SHISAL2A: variants seen among roughly 807,000 people sequenced by gnomAD.
SHISAL2A encodes the protein protein shisa-like-2A.
Under a neutral mutation model 11.5 loss-of-function variants are expected in SHISAL2A, and 18 were observed. The observed-to-expected ratio is 1.57, with a 90% CI of 1.08 to 2.33. The LOEUF is 2.33. Ranked by LOEUF, SHISAL2A falls within the 30% of genes most tolerant of loss-of-function variation. The pLI is 0.00. For synonymous variants in SHISAL2A, 94 were observed against 99.6 expected (o/e 0.94, Z 0.34); for missense variants, 261 against 250.9 (o/e 1.04, Z -0.27).
Position 52,633,275 on chromosome 1 carries a change from G to A in SHISAL2A, c.-219G>A. 2.7e-6 allele frequency: 1 copy of A among 377,310 alleles called. No individual in the cohort carries two copies. Among genetic ancestry groups the A allele is most frequent in the Non-Finnish European group, 4.6e-6 (1 of 215,160 alleles). The allele number at this position is 377,310 out of a possible 1,614,324, so 23.4% of individuals were successfully genotyped here. A position where few individuals can be genotyped will look rare whatever the true frequency, so the allele number is the denominator to read the frequency against. On this transcript the variant is annotated 5_prime_UTR_variant, in exon 1 of 3. Transcript: ENST00000517870. This position sits in a 1 kb window ranked among gnomAD's most constrained non-coding sequence, Gnocchi z 6.4. ...GCCGCCGGCCCCCGCCGCCCGCCCCGCCTGCCCCTACCCCTCCGCGCGGGC... is the reference window on the plus strand; with the variant it reads ...GCCGCCGGCCCCCGCCGCCCGCCCCACCTGCCCCTACCCCTCCGCGCGGGC...
At chr1:52,634,172 T>G (rs543596783) in intron 1 of SHISAL2A, among the ~76,000 whole-genome samples, 2 of 152,294 alleles carry the variant, frequency 1.3e-5, no homozygotes, top group African/African-American at 4.8e-5. Context: ...CTGTCCTGCC[T>G]GCAGTCCCAC....
At chr1:52,660,864 C>G (rs1571703026), downstream of SHISAL2A, among the ~76,000 whole-genome samples, 1 of 152,154 alleles carries the variant, frequency 6.6e-6, no homozygotes, top group South Asian at 2.1e-4. Context: ...TCAAGAAGCT[C>G]ATTGCTACAG....
At chr1:52,666,957 T>G (rs1374136173) in intron 4 of SHISAL2A, among the ~76,000 whole-genome samples, 1 of 152,198 alleles carries the variant, frequency 6.6e-6, no homozygotes, top group Admixed American at 6.5e-5. Context: ...AAGTAATCTC[T>G]GTCCTTGCCC....
At chr1:52,642,803 A>G in intron 1 of SHISAL2A, 60 bp from the exon 2 acceptor site, 1 of 1,543,028 alleles carries the variant, frequency 6.5e-7, no homozygotes, top group South Asian at 1.1e-5. Context: ...ACACTTTTAT[A>G]ACATCTGTCT....
chr1:52,646,052 G>A (rs6682749), intron 2 of SHISAL2A, among the ~76,000 whole-genome samples: 42,354 of 152,122 alleles, frequency 0.28, 6,545 homozygotes, highest in Non-Finnish European at 0.34. Flanking sequence ...ATAGAATTGG[G>A]CAATGCAGTG....
intron 2 of SHISAL2A, among the ~76,000 whole-genome samples, chr1:52,656,523 T>C (rs112211322): frequency 1.5e-3 from 226 of 152,356 alleles, no homozygotes; most frequent in African/African-American, 5.2e-3. Context: ...ACCTACCTCA[T>C]AGGGTTATGG....
chr1:52,655,724 G>A (rs980131341), intron 2 of SHISAL2A, among the ~76,000 whole-genome samples: 2 of 152,206 alleles, frequency 1.3e-5, no homozygotes, highest in African/African-American at 4.8e-5. Context: ...GCAGATTAAA[G>A]CCACAATGAG....
chr1:52,667,343 G>C (rs761571807), intron 4 of SHISAL2A: 4 of 940,666 alleles, frequency 4.3e-6, no homozygotes, highest in Non-Finnish European at 5.1e-6. Flanking sequence ...GGGAATGTTT[G>C]CTCCGCCATG....
chr1:52,657,422 G>A (rs559967805), downstream of SHISAL2A, among the ~76,000 whole-genome samples: 1 of 152,142 alleles, frequency 6.6e-6, no homozygotes, highest in Admixed American at 6.6e-5. Flanking sequence ...TGCCTCTTCA[G>A]CAGCTCTGCC....
intron 1 of SHISAL2A, among the ~76,000 whole-genome samples, chr1:52,637,160 ACC>A (rs148639972): frequency 1.2e-4 from 19 of 152,134 alleles, no homozygotes; most frequent in Middle Eastern, 3.4e-3. Flanking sequence ...CCATTCTGTG[ACC>A]CCAAGGTGGC....
chr1:52,653,763 G>C (rs1202795567), intron 2 of SHISAL2A, among the ~76,000 whole-genome samples: 1 of 151,642 alleles, frequency 6.6e-6, no homozygotes, highest in African/African-American at 2.4e-5. Context: ...TTTTGAGACA[G>C]GGCCTTGCTC....
chr1:52,664,265 G>A (rs111516504), intron 4 of SHISAL2A, among the ~76,000 whole-genome samples: 241 of 147,618 alleles, frequency 1.6e-3, no homozygotes, highest in African/African-American at 5.7e-3. Flanking sequence ...ATCTCCGCTC[G>A]CTGCAAGCTC....
downstream of SHISAL2A, chr1:52,657,133 T>G (rs1691808710): frequency 6.9e-7 from 1 of 1,459,056 alleles, no homozygotes; most frequent in Non-Finnish European, 9.2e-7. Flanking sequence ...GCATGATAAA[T>G]GAGGGCTTCT....
intron 4 of SHISAL2A, among the ~76,000 whole-genome samples, chr1:52,666,578 A>ACG (rs953339591): frequency 4.1e-5 from 6 of 146,006 alleles, no homozygotes; most frequent in South Asian, 2.2e-4. Flanking sequence ...TTCTGTGCAC[A>ACG]CGCGCGTGTG....
chr1:52,651,371 G>T (rs1295965723), intron 2 of SHISAL2A, among the ~76,000 whole-genome samples: 1 of 151,860 alleles, frequency 6.6e-6, no homozygotes, highest in East Asian at 1.9e-4. Context: ...CAAGTAGCTG[G>T]GATTACAGGC....
At chr1:52,639,063 C>G (rs1691299904) in intron 1 of SHISAL2A, among the ~76,000 whole-genome samples, 1 of 152,048 alleles carries the variant, frequency 6.6e-6, no homozygotes, top group Non-Finnish European at 1.5e-5. Flanking sequence ...GTCCCAGCTA[C>G]TCAACAGGCT....
chr1:52,638,865 G>A (rs1691295585), intron 1 of SHISAL2A, among the ~76,000 whole-genome samples: 1 of 152,214 alleles, frequency 6.6e-6, no homozygotes, highest in Non-Finnish European at 1.5e-5. Context: ...CACAGAGCCT[G>A]TTCTGGGCCC....
downstream of SHISAL2A, among the ~76,000 whole-genome samples, chr1:52,660,797 T>C (rs1691893360): frequency 6.6e-6 from 1 of 152,202 alleles, no homozygotes; most frequent in Non-Finnish European, 1.5e-5. Flanking sequence ...CATTCAACAT[T>C]GATTGACAAT....
At chr1:52,642,753 T>C (rs1691395303) in intron 1 of SHISAL2A, 110 bp from the exon 2 acceptor site, 14 of 1,145,966 alleles carry the variant, frequency 1.2e-5, no homozygotes, top group Non-Finnish European at 1.4e-5. Flanking sequence ...TTTTATTCTG[T>C]ACATTTTCTT....
Sources: gnomAD v4.1 joint callset for allele counts (sites outside exome capture counted in the v4.1 genomes callset) on GRCh38, gnomAD v4.1.1 for gene constraint, Gnocchi (gnomAD v3.1) non-coding constraint, MANE v1.5 for transcripts, NCBI Gene and HGNC (gene_info 2026-07-23, HGNC 2026-07-21) for gene names.